Variants in NRG1 observed in about 807,000 individuals in gnomAD.
The protein encoded by NRG1 is pro-neuregulin-1, membrane-bound isoform.
In NRG1, 18 loss-of-function variants were observed where a neutral mutation model predicts 63.8. That is an observed-to-expected ratio of 0.28 (90% CI 0.19 to 0.42). The LOEUF is 0.42. NRG1 is among the 10% of genes least tolerant of loss of function. The pLI is 1.00. For synonymous variants in NRG1, 302 were observed against 301.3 expected (o/e 1.00, Z -0.02); for missense variants, 762 against 814.7 (o/e 0.94, Z 0.79).
intron 1 of NRG1, among the ~76,000 whole-genome samples, chr8:32,445,089 G>A (rs1278352884): frequency 6.6e-6 from 1 of 152,152 alleles, no homozygotes; most frequent in Non-Finnish European, 1.5e-5. Context: ...TTGTTCCTCT[G>A]TATCCATGAC....
At chr8:32,262,269 C>T (rs539894215) in intron 1 of NRG1, among the ~76,000 whole-genome samples, 3 of 152,134 alleles carry the variant, frequency 2.0e-5, no homozygotes, top group Admixed American at 6.6e-5. Flanking sequence ...CTTGTACAGA[C>T]AGGACTGCTT....
intron 1 of NRG1, among the ~76,000 whole-genome samples, chr8:32,173,535 C>T (rs917080981): frequency 8.5e-5 from 13 of 152,124 alleles, no homozygotes; most frequent in Non-Finnish European, 1.6e-4. Flanking sequence ...AATTAAAAGA[C>T]ACAGACTGGC....
intron 1 of NRG1, among the ~76,000 whole-genome samples, chr8:32,135,257 G>A (rs1047621682): frequency 6.6e-6 from 1 of 152,208 alleles, no homozygotes; most frequent in African/African-American, 2.4e-5. Context: ...AGAAGACTAT[G>A]CTGAGGAATA....
chr8:32,482,398 TTGTGTGTG>T (rs10689849), intron 1 of NRG1, among the ~76,000 whole-genome samples: 1 of 148,220 alleles, frequency 6.7e-6, no homozygotes, highest in Non-Finnish European at 1.5e-5. Context: ...CTTTCTACTT[TTGTGTGTG>T]TGTGTGTGTG....
At chr8:32,480,892 A>G (rs1335453592) in intron 1 of NRG1, among the ~76,000 whole-genome samples, 2 of 152,194 alleles carry the variant, frequency 1.3e-5, no homozygotes, top group Non-Finnish European at 2.9e-5. Context: ...CCCCATGACC[A>G]AAACACCTCC....
At chr8:31,905,844 G>C (rs1434610299) in intron 1 of NRG1, among the ~76,000 whole-genome samples, 1 of 152,180 alleles carries the variant, frequency 6.6e-6, no homozygotes, top group Non-Finnish European at 1.5e-5. Context: ...TCTTTAGCAA[G>C]TGGTTTAAAA....
chr8:32,555,650 T>A (rs1161318595), intron 1 of NRG1, among the ~76,000 whole-genome samples: 1 of 152,240 alleles, frequency 6.6e-6, no homozygotes, highest in Non-Finnish European at 1.5e-5. Context: ...TTTTTGTATT[T>A]CTAGTAGAGA....
chr8:32,656,893 A>T (rs1276367975), intron 5 of NRG1, among the ~76,000 whole-genome samples: 2 of 152,036 alleles, frequency 1.3e-5, no homozygotes, highest in African/African-American at 4.8e-5. Context: ...ACATGATAGG[A>T]CAAGACTTGA....
chr8:31,938,224 G>T (rs557820074), intron 1 of NRG1, among the ~76,000 whole-genome samples: 1 of 152,100 alleles, frequency 6.6e-6, no homozygotes, highest in Non-Finnish European at 1.5e-5. Context: ...AAGAGGGATC[G>T]CATCATAGGA....
At chr8:32,581,633 G>A (rs73234178) in intron 1 of NRG1, among the ~76,000 whole-genome samples, 32,869 of 152,062 alleles carry the variant, frequency 0.22, 3,864 homozygotes, top group Non-Finnish European at 0.26. Flanking sequence ...AATAATAATG[G>A]TTTTATAGAA....
rs147387387 is a variant in NRG1 at position 31,740,055 on chromosome 8, G to A, written c.37+100624G>A. Among the ~76,000 whole-genome samples the A allele has an allele frequency of 2.3e-4, 35 of 152,016 alleles. No individual in the cohort carries two copies. The East Asian group carries it at 6.0e-3, about 26-fold the overall frequency. ...GCTATAAATGTTTTAGGCTGTTGCA[G>A]CTGATATCATTTGCCTTGTGGGAAA... On this transcript the variant is annotated intron_variant, in intron 1 of 10. Coordinates refer to the NRG1 transcript ENST00000519301.
intron 1 of NRG1, among the ~76,000 whole-genome samples, chr8:31,861,972 G>A (rs1169859029): frequency 6.6e-6 from 1 of 152,124 alleles, no homozygotes. Context: ...TATGTTATCA[G>A]GCTTGGCATT....
intron 1 of NRG1, among the ~76,000 whole-genome samples, chr8:32,035,982 G>A (rs1322456976): frequency 6.6e-6 from 1 of 152,144 alleles, no homozygotes; most frequent in South Asian, 2.1e-4. Context: ...TATGATGCTA[G>A]CTGGTTATTT....
intron 1 of NRG1, among the ~76,000 whole-genome samples, chr8:31,651,198 C>T (rs999124022): frequency 1.3e-5 from 2 of 152,136 alleles, no homozygotes; most frequent in African/African-American, 4.8e-5. Flanking sequence ...AATCTTATCT[C>T]CATGGCCTTT....
At chr8:31,982,736 G>A (rs1809361585) in intron 1 of NRG1, among the ~76,000 whole-genome samples, 1 of 152,070 alleles carries the variant, frequency 6.6e-6, no homozygotes, top group African/African-American at 2.4e-5. Context: ...TGTGGAGGAT[G>A]CTCCACATCT....
intron 1 of NRG1, among the ~76,000 whole-genome samples, chr8:32,509,075 CTATTT>C (rs72050072): frequency 2.0e-5 from 3 of 149,558 alleles, no homozygotes; most frequent in Non-Finnish European, 4.4e-5. Context: ...TTTTCTTTTC[CTATTT>C]TATTTTATTT....
Position 31,640,360 on chromosome 8 carries a change from G to A in NRG1, c.37+929G>A. ...GCCAGCCGCGGGCCCACGGGCGCTGGGGCCGCCCGCCGAGGAGCCGCTGCT... is the reference window on the plus strand; with the variant it reads ...GCCAGCCGCGGGCCCACGGGCGCTGAGGCCGCCCGCCGAGGAGCCGCTGCT... On this transcript the variant is annotated intron_variant, in intron 1 of 10. Transcript: ENST00000519301. The surrounding 1 kb of genome is among the most constrained non-coding windows in gnomAD (Gnocchi z 6.3). 2 of 1,243,804 alleles carry A rather than the reference G, an allele frequency of 1.6e-6. No homozygotes were observed. The highest frequency in any genetic ancestry group is 1.0e-6 in the Non-Finnish European group (1 of 993,568). The allele number at this position is 1,243,804 out of a possible 1,614,324, so 77.0% of individuals were successfully genotyped here.
chr8:31,975,647 C>T (rs963809191), intron 1 of NRG1, among the ~76,000 whole-genome samples: 2 of 152,162 alleles, frequency 1.3e-5, no homozygotes, highest in East Asian at 3.9e-4. Context: ...CCAAAACTAT[C>T]TCTAGGATAA....
rs1257883445 is a variant in NRG1, at chr8:32,407,654, C to A, written c.38-188174C>A. 2.6e-5 allele frequency among the ~76,000 whole-genome samples: 4 copies of A among 152,166 alleles called. No individual in the cohort carries two copies. The South Asian group carries it at 6.2e-4, about 24-fold the overall frequency. On this transcript the variant is annotated intron_variant, in intron 1 of 10. Transcript: ENST00000519301. ...CCTCCTTACCTCTCTCTCTCTGTAT[C>A]CCTTTCAGTACATATGTCCAACACT...
Sources: gnomAD v4.1 joint callset for allele counts (sites outside exome capture counted in the v4.1 genomes callset) on GRCh38, gnomAD v4.1.1 for gene constraint, Gnocchi (gnomAD v3.1) non-coding constraint, MANE v1.5 for transcripts, NCBI Gene and HGNC (gene_info 2026-07-23, HGNC 2026-07-21) for gene names.